The following SLIT2 variants were observed in gnomAD, a reference collection of about 807,000 sequenced individuals.
The protein encoded by SLIT2 is slit guidance ligand 2.
Under a neutral mutation model 185.7 loss-of-function variants are expected in SLIT2, and 41 were observed. The observed-to-expected ratio is 0.22, with a 90% CI of 0.17 to 0.29. The LOEUF (loss-of-function observed/expected upper bound fraction) is 0.29. Among genes scored for constraint, SLIT2 ranks in the 10% least tolerant of loss-of-function variants. The pLI is 1.00. For synonymous variants in SLIT2, 693 were observed against 680.2 expected, an observed-to-expected ratio of 1.02 and a Z score of -0.29; for missense variants, 1,571 against 1,909.0, an observed-to-expected ratio of 0.82 and a Z score of 3.30.
chr4:20,542,720 T>C (rs1722908528), intron 21 of SLIT2, 94 bp downstream of exon 21: 4 of 1,304,606 alleles, frequency 3.1e-6, no homozygotes, highest in Non-Finnish European at 4.3e-6. Flanking sequence ...TACAATCTTC[T>C]TTACAAATCA....
chr4:20,552,304 C>A (rs1723829869), intron 25 of SLIT2: 1 of 151,888 alleles, frequency 6.6e-6, no homozygotes, highest in Admixed American at 6.6e-5. Flanking sequence ...CAGCCTCCTC[C>A]CGCAACAGTG....
chr4:20,425,210 T>C (rs1728458106), intron 4 of SLIT2, among the ~76,000 whole-genome samples: 1 of 152,134 alleles, frequency 6.6e-6, no homozygotes, highest in Admixed American at 6.5e-5. Flanking sequence ...ATTTAAACAA[T>C]AAGTTTTAAT....
At chr4:20,456,777 A>G (rs973912511) in intron 4 of SLIT2, among the ~76,000 whole-genome samples, 1 of 152,124 alleles carries the variant, frequency 6.6e-6, no homozygotes, top group Non-Finnish European at 1.5e-5. Flanking sequence ...TATTGAGAGA[A>G]TAAAAGGATT....
At position 20,486,272 on chromosome 4, in the gene SLIT2, G is replaced by T; in HGVS notation, c.611+1G>T. The T allele has an allele frequency of 6.6e-7, 1 of 1,524,198 alleles. No homozygotes were observed. Among genetic ancestry groups the T allele is most frequent in the Non-Finnish European group, 9.1e-7 (1 of 1,098,680 alleles). 94.4% of individuals were successfully genotyped at this position (1,524,198 alleles called of 1,614,324 possible). On this transcript the variant is annotated splice_donor_variant, in intron 7 of 36. Transcript: ENST00000504154. LOFTEE classifies it high-confidence loss of function. The stretch of plus-strand genomic sequence containing the variant: ...ACCATATGCCTAAACTTAGGACTTT[G>T]TAAGTAGTCACAATATATGTAAAAG...
chr4:20,281,085 G>A (rs1017876395), intron 4 of SLIT2, among the ~76,000 whole-genome samples: 16 of 152,006 alleles, frequency 1.1e-4, no homozygotes, highest in African/African-American at 2.9e-4. Context: ...CGCCCGCCTC[G>A]GCCTCCCAAA....
chr4:20,606,175 A>G (rs576226120), intron 33 of SLIT2, among the ~76,000 whole-genome samples: 3 of 152,318 alleles, frequency 2.0e-5, no homozygotes, highest in South Asian at 4.1e-4. Context: ...AATTCTCTTT[A>G]GGTCCCATGT....
At chr4:20,356,076 T>C (rs947587241) in intron 4 of SLIT2, among the ~76,000 whole-genome samples, 3 of 152,198 alleles carry the variant, frequency 2.0e-5, no homozygotes, top group Non-Finnish European at 2.9e-5. Context: ...GATCTTTTAA[T>C]CATTCAGTGT....
rs745847017 is a variant in SLIT2, at chr4:20,589,634, C to T, written c.3089-10C>T. The T allele has an allele frequency of 1.9e-6, 3 of 1,609,600 alleles. No individual in the cohort carries two copies. In the Admixed American group the frequency reaches 5.0e-5, roughly 27 times the overall value. On this transcript the variant is annotated splice_polypyrimidine_tract_variant and intron_variant, in intron 29 of 36. Transcript: ENST00000504154. ...TTTTCTATGAGCTAACACTGTTTGCCCTGTTGCAGGTGAGTTGTGTGAGGA... is the reference window on the plus strand; with the variant it reads ...TTTTCTATGAGCTAACACTGTTTGCTCTGTTGCAGGTGAGTTGTGTGAGGA...
At chr4:20,331,536 A>G (rs986441102) in intron 4 of SLIT2, among the ~76,000 whole-genome samples, 1 of 151,858 alleles carries the variant, frequency 6.6e-6, no homozygotes, top group African/African-American at 2.4e-5. Flanking sequence ...TAATACTGTG[A>G]TGTCAGTCAC....
At chr4:20,316,412 C>T (rs1021151232) in intron 4 of SLIT2, among the ~76,000 whole-genome samples, 1 of 151,858 alleles carries the variant, frequency 6.6e-6, no homozygotes, top group East Asian at 1.9e-4. Flanking sequence ...AAAATTATAG[C>T]CAAGACATAG....
intron 4 of SLIT2, among the ~76,000 whole-genome samples, chr4:20,326,234 G>A (rs1336563460): frequency 6.6e-6 from 1 of 152,000 alleles, no homozygotes; most frequent in East Asian, 1.9e-4. Flanking sequence ...ATATGTTTTA[G>A]ACAAATTTTG....
intron 4 of SLIT2, among the ~76,000 whole-genome samples, chr4:20,404,438 C>A (rs1726606718): frequency 6.6e-6 from 1 of 152,008 alleles, no homozygotes; most frequent in Non-Finnish European, 1.5e-5. Flanking sequence ...CCTGGACAAG[C>A]AGCTTAATTC....
At chr4:20,511,972 C>T (rs541336634) in intron 11 of SLIT2, among the ~76,000 whole-genome samples, 1 of 151,938 alleles carries the variant, frequency 6.6e-6, no homozygotes, top group East Asian at 1.9e-4. Context: ...GTCAAGAGAA[C>T]CTTCGAAAGA....
At chr4:20,610,314 C>T in intron 34 of SLIT2, 147 bp downstream of exon 34, 1 of 646,716 alleles carries the variant, frequency 1.5e-6, no homozygotes, top group Non-Finnish European at 2.5e-6. Context: ...AAAGACAGAA[C>T]AGAAAGATCT....
intron 9 of SLIT2, among the ~76,000 whole-genome samples, chr4:20,510,227 T>G (rs1719580673): frequency 6.6e-6 from 1 of 152,206 alleles, no homozygotes; most frequent in African/African-American, 2.4e-5. Context: ...TTATTTCTTT[T>G]GTACAAAGTC....
chr4:20,547,184 T>A (rs1197889067), intron 22 of SLIT2, among the ~76,000 whole-genome samples: 1 of 152,108 alleles, frequency 6.6e-6, no homozygotes, highest in East Asian at 1.9e-4. Context: ...GAAAAAGATA[T>A]CCTCTAAGAT....
chr4:20,339,433 C>T (rs1720781418), intron 4 of SLIT2, among the ~76,000 whole-genome samples: 1 of 152,030 alleles, frequency 6.6e-6, no homozygotes, highest in African/African-American at 2.4e-5. Flanking sequence ...GGCACAGCAA[C>T]AAGAATTTCA....
At chr4:20,503,864 A>G (rs1002359231) in intron 9 of SLIT2, among the ~76,000 whole-genome samples, 9 of 152,164 alleles carry the variant, frequency 5.9e-5, no homozygotes, top group Non-Finnish European at 1.2e-4. Flanking sequence ...ACAGAAACTG[A>G]TGAGAATCAA....
Position 20,619,092 on chromosome 4 carries a change from T to A in SLIT2, c.*83T>A. Reference sequence around the variant, plus strand: ...ACTAATGAATGCTTCATAGTGGAAATATTTGAAATATATTGTAAAATACAG... The same window carrying A: ...ACTAATGAATGCTTCATAGTGGAAAAATTTGAAATATATTGTAAAATACAG... On this transcript the variant is annotated 3_prime_UTR_variant, in exon 37 of 37. Coordinates refer to ENST00000504154, the MANE Select transcript of SLIT2 (RefSeq NM_004787.4). The A allele has an allele frequency of 7.4e-7, 1 of 1,349,054 alleles. No homozygotes were observed. Among genetic ancestry groups the A allele is most frequent in the Non-Finnish European group, 1.0e-6 (1 of 979,202 alleles). The allele number at this position is 1,349,054 out of a possible 1,614,324, so 83.6% of individuals were successfully genotyped here. A position where few individuals can be genotyped will look rare whatever the true frequency, so the allele number is the denominator to read the frequency against.
Sources: gnomAD v4.1 joint callset for allele counts (sites outside exome capture counted in the v4.1 genomes callset) on GRCh38, gnomAD v4.1.1 for gene constraint, MANE v1.5 for transcripts, NCBI Gene and HGNC (gene_info 2026-07-23, HGNC 2026-07-21) for gene names.